Variants in DAPK1 observed in about 807,000 individuals in gnomAD.
The protein encoded by DAPK1 is death associated protein kinase 1.
A neutral mutation model predicts 144.9 loss-of-function variants in DAPK1; 56 were observed. The observed-to-expected ratio is 0.39, with a 90% confidence interval of 0.31 to 0.48. The LOEUF (loss-of-function observed/expected upper bound fraction) is 0.48, where lower values mean the gene tolerates loss of function less well. Ranked by LOEUF, DAPK1 falls within the 20% of genes least tolerant of loss-of-function variation. The pLI is 0.95. For missense variants in DAPK1, 1,454 were observed against 1,875.4 expected, an observed-to-expected ratio of 0.78 and a Z score of 4.15; for synonymous variants, 690 against 749.0, an observed-to-expected ratio of 0.92 and a Z score of 1.29.
chr9:87,676,348 T>TCATTA (rs1471524656), intron 19 of DAPK1, among the ~76,000 whole-genome samples: 3 of 152,222 alleles, frequency 2.0e-5, no homozygotes, highest in Non-Finnish European at 2.9e-5. Flanking sequence ...TGGAGATAGA[T>TCATTA]CATTACGTGG....
rs928819726 is a variant in DAPK1, at chr9:87,686,326, G to A, written c.2225-225G>A. ...GGACCAGCCACCCGGGCAACAGGGC[G>A]GGGCAGAAAAGGTTGTGGGGAGGTA... On this transcript the variant is annotated intron_variant, in intron 20 of 25. Transcript: ENST00000408954. This position sits in a 1 kb window ranked among gnomAD's most constrained non-coding sequence, Gnocchi z 4.2. Among the ~76,000 whole-genome samples the A allele has an allele frequency of 2.6e-5, 4 of 152,116 alleles. No individual in the cohort carries two copies. Among genetic ancestry groups the A allele is most frequent in the East Asian group, 3.9e-4 (2 of 5,176 alleles).
chr9:87,523,034 C>T (rs1238710114), intron 2 of DAPK1, among the ~76,000 whole-genome samples: 1 of 151,956 alleles, frequency 6.6e-6, no homozygotes, highest in Non-Finnish European at 1.5e-5. Flanking sequence ...TGTCATTTGT[C>T]TTTTGGCATT....
intron 19 of DAPK1, among the ~76,000 whole-genome samples, chr9:87,672,664 T>C (rs901407887): frequency 1.3e-5 from 2 of 152,208 alleles, no homozygotes; most frequent in African/African-American, 4.8e-5. Context: ...AGCCCCTGAT[T>C]AGCCATAATG....
chr9:87,565,595 GT>G (rs34942587), intron 2 of DAPK1, among the ~76,000 whole-genome samples: 120,642 of 152,126 alleles, frequency 0.79, 48,504 homozygotes, highest in African/African-American at 0.92. Context: ...AAGGCTGAAT[GT>G]TGTGATGTTC....
At position 87,659,500 on chromosome 9, in the gene DAPK1, A is replaced by G. The variant is rs368745511; in HGVS notation, c.1923+1373A>G. On this transcript the variant is annotated intron_variant, in intron 18 of 25. Coordinates refer to ENST00000408954, the MANE Select transcript of DAPK1 (RefSeq NM_004938.4). ...TTTGTCCTATGTGTGGCCTCATGAA[A>G]GACCCAGCCAGGCCATTATTGAAGA... Among the ~76,000 whole-genome samples, 11 of 152,336 alleles carry G rather than the reference A, an allele frequency of 7.2e-5. No individual in the cohort carries two copies. The East Asian group carries it at 2.1e-3, about 29-fold the overall frequency.
chr9:87,640,660 A>G lies in DAPK1; in HGVS notation c.783-142A>G, dbSNP rs1056582804. 10 of 1,049,010 alleles carry G rather than the reference A, an allele frequency of 9.5e-6. No individual in the cohort carries two copies. In the African/African-American group the frequency reaches 1.3e-4, roughly 13 times the overall value. 65.0% of individuals were successfully genotyped at this position (1,049,010 alleles called of 1,614,324 possible). On this transcript the variant is annotated intron_variant, in intron 8 of 25. Transcript: ENST00000408954. ...TGCAGGCACAGTGAAATAATCACAAAAAGACCGATGTTGTTTTTGGCTTTC... is the reference window on the plus strand; with the variant it reads ...TGCAGGCACAGTGAAATAATCACAAGAAGACCGATGTTGTTTTTGGCTTTC...
chr9:87,547,418 C>T (rs1174226549), intron 2 of DAPK1, among the ~76,000 whole-genome samples: 1 of 152,188 alleles, frequency 6.6e-6, no homozygotes, highest in Non-Finnish European at 1.5e-5. Context: ...AGTACAGTAG[C>T]CCCTACCTAC....
At chr9:87,639,602 G>A (rs753743914) in intron 5 of DAPK1, 48 bp from the exon 6 acceptor site, 8 of 1,612,116 alleles carry the variant, frequency 5.0e-6, no homozygotes, top group East Asian at 2.2e-5. Flanking sequence ...AGATAGAATC[G>A]GTTAGTTTGC....
rs965284419 is a variant in DAPK1, at chr9:87,648,938, A to G, written c.1428+59A>G. On this transcript the variant is annotated intron_variant, in intron 15 of 25. Coordinates refer to ENST00000408954, the MANE Select transcript of DAPK1 (RefSeq NM_004938.4). ...TCTATACATGAATGTACAGGCAGCC[A>G]GATGGTACAGTCGGGGCCTTTAGAG... The G allele has an allele frequency of 4.2e-6, 6 of 1,423,014 alleles. No individual in the cohort carries two copies. In the Admixed American group the frequency reaches 1.0e-4, roughly 24 times the overall value. The allele number at this position is 1,423,014 out of a possible 1,614,324, so 88.1% of individuals were successfully genotyped here.
chr9:87,569,671 G>A (rs746190154), intron 2 of DAPK1, among the ~76,000 whole-genome samples: 7 of 152,034 alleles, frequency 4.6e-5, no homozygotes, highest in Non-Finnish European at 1.0e-4. Context: ...CAGTGTCAAT[G>A]CGGGTGCATC....
Position 87,701,483 on chromosome 9 carries a change from A to G in DAPK1, c.2871+1246A>G, listed in dbSNP as rs371170781. The stretch of plus-strand genomic sequence containing the variant: ...AAAATTTTTTTCTAGCAAACAAATT[A>G]AGTAAACAAAGTTGAAAGGTGAAAT... On this transcript the variant is annotated intron_variant, in intron 24 of 25. Transcript: ENST00000408954. Among the ~76,000 whole-genome samples, 98 of 152,334 alleles carry G rather than the reference A, an allele frequency of 6.4e-4. 1 individual carries two copies. In the South Asian group the frequency reaches 0.02, roughly 31 times the overall value.
intron 24 of DAPK1, among the ~76,000 whole-genome samples, chr9:87,702,437 T>G (rs1386842021): frequency 1.3e-5 from 2 of 152,162 alleles, no homozygotes; most frequent in Admixed American, 1.3e-4. Context: ...AAACACTCAC[T>G]CTAATATTGA....
At chr9:87,693,573 T>C (rs1277810444) in intron 21 of DAPK1, among the ~76,000 whole-genome samples, 1 of 152,184 alleles carries the variant, frequency 6.6e-6, no homozygotes, top group Non-Finnish European at 1.5e-5. Flanking sequence ...TTATTTTTCA[T>C]TAGAATCTGT....
intron 2 of DAPK1, among the ~76,000 whole-genome samples, chr9:87,529,477 A>G (rs1388539312): frequency 1.3e-5 from 2 of 152,002 alleles, no homozygotes; most frequent in East Asian, 3.9e-4. Flanking sequence ...CTTTGAGGAG[A>G]TTTGGTGTCT....
chr9:87,629,173 T>C (rs928279833), intron 3 of DAPK1, among the ~76,000 whole-genome samples: 1 of 152,182 alleles, frequency 6.6e-6, no homozygotes, highest in African/African-American at 2.4e-5. Context: ...TGGGCCCTAA[T>C]CCATATGACT....
At chr9:87,690,724 C>T (rs1396340857) in intron 21 of DAPK1, among the ~76,000 whole-genome samples, 2 of 151,986 alleles carry the variant, frequency 1.3e-5, no homozygotes, top group Non-Finnish European at 2.9e-5. Context: ...AGATATGTTC[C>T]TTCTATACCT....
At chr9:87,653,340 A>G (rs1240861235) in intron 17 of DAPK1, among the ~76,000 whole-genome samples, 1 of 152,282 alleles carries the variant, frequency 6.6e-6, no homozygotes, top group African/African-American at 2.4e-5. Context: ...TTTGTTGTTG[A>G]AAGTGAATAT....
At chr9:87,608,296 T>C (rs1184167870) in intron 3 of DAPK1, among the ~76,000 whole-genome samples, 1 of 152,260 alleles carries the variant, frequency 6.6e-6, no homozygotes, top group Non-Finnish European at 1.5e-5. Context: ...CTCAGCATAA[T>C]GCATTGGAGA....
chr9:87,517,707 G>C (rs1277244216), intron 2 of DAPK1, among the ~76,000 whole-genome samples: 1 of 152,166 alleles, frequency 6.6e-6, no homozygotes, highest in Non-Finnish European at 1.5e-5. Context: ...GCATAACCCT[G>C]TGAGGTGACA....
Sources: gnomAD v4.1 joint callset for allele counts (sites outside exome capture counted in the v4.1 genomes callset) on GRCh38, gnomAD v4.1.1 for gene constraint, Gnocchi (gnomAD v3.1) non-coding constraint, MANE v1.5 for transcripts, NCBI Gene and HGNC (gene_info 2026-07-23, HGNC 2026-07-21) for gene names.